Variants in KIF2C observed in about 807,000 individuals in gnomAD.
The protein encoded by KIF2C is kinesin-like protein KIF2C.
Under a neutral mutation model 97.4 loss-of-function variants are expected in KIF2C, and 34 were observed. The observed-to-expected ratio is 0.35, with a 90% CI of 0.27 to 0.46. The LOEUF is 0.46. KIF2C is among the 20% of genes least tolerant of loss of function. The pLI is 1.00. For missense variants in KIF2C, 750 were observed against 907.6 expected (o/e 0.83, Z 2.23); for synonymous variants, 313 against 318.2 (o/e 0.98, Z 0.17).
At chr1:44,762,761 A>T in intron 19 of KIF2C, 103 bp downstream of exon 19, 1 of 736,050 alleles carries the variant, frequency 1.4e-6, no homozygotes, top group Non-Finnish European at 2.4e-6. Flanking sequence ...ACAGGTATTC[A>T]CATAGCAAGA....
At chr1:44,740,804 T>TAGCTAA in intron 1 of KIF2C, 109 bp from the exon 2 acceptor site, 1 of 371,014 alleles carries the variant, frequency 2.7e-6, no homozygotes, top group East Asian at 4.1e-5. Flanking sequence ...TTTTTTAAGG[T>TAGCTAA]AGCTGCCTGT....
intron 17 of KIF2C, 109 bp downstream of exon 17, chr1:44,762,092 T>C: frequency 9.8e-7 from 1 of 1,021,180 alleles, no homozygotes; most frequent in South Asian, 1.3e-5. Context: ...TATACTCCTC[T>C]GTGACTCTGA....
rs1649544941 is a variant in KIF2C, at chr1:44,751,920, C to G, written c.440-1212C>G. 2.9e-5 allele frequency among the ~76,000 whole-genome samples: 4 copies of G among 140,038 alleles called. No individual in the cohort carries two copies. In the South Asian group the frequency reaches 9.2e-4, roughly 32 times the overall value. The allele number at this position is 140,038 out of a possible 152,430, so 91.9% of individuals were successfully genotyped here. On this transcript the variant is annotated intron_variant, in intron 5 of 20. Transcript: ENST00000372224. ...CACTGCAACCTCTGCCTCCCCTGTT[C>G]AAGCCATTCTCTTGGCTCAGCCTCC... is the stretch of plus-strand genomic sequence containing the variant.
At chr1:44,750,611 C>T (rs1446589029) in intron 5 of KIF2C, 47 bp downstream of exon 5, 1 of 1,443,960 alleles carries the variant, frequency 6.9e-7, no homozygotes, top group Non-Finnish European at 9.2e-7. Flanking sequence ...GGCCCTGGAG[C>T]ACATTGCTTG....
intron 6 of KIF2C, 84 bp downstream of exon 6, chr1:44,753,338 C>A: frequency 6.9e-7 from 1 of 1,452,548 alleles, no homozygotes; most frequent in Non-Finnish European, 9.2e-7. Flanking sequence ...CCTACCTTGG[C>A]ACCTGAGTTC....
At position 44,764,550 on chromosome 1, in the gene KIF2C, C is replaced by T. The variant is rs553951270; in HGVS notation, c.1971+1892C>T. On this transcript the variant is annotated intron_variant, in intron 19 of 20. Coordinates refer to ENST00000372224, the MANE Select transcript of KIF2C (RefSeq NM_006845.4). Reference sequence around the variant, plus strand: ...GGGGGATGGAGTTTCGCTTTTGTCCCCCAGGCTGGAGTGCAACGGCACCAT... The same window carrying T: ...GGGGGATGGAGTTTCGCTTTTGTCCTCCAGGCTGGAGTGCAACGGCACCAT... 3.3e-5 allele frequency among the ~76,000 whole-genome samples: 5 copies of T among 151,524 alleles called. No individual in the cohort carries two copies. The East Asian group carries it at 5.9e-4, about 18-fold the overall frequency.
chr1:44,742,853 C>A (rs1649006524), intron 2 of KIF2C, among the ~76,000 whole-genome samples: 1 of 151,828 alleles, frequency 6.6e-6, no homozygotes, highest in African/African-American at 2.4e-5. Flanking sequence ...GTTGAGGAGA[C>A]AAAAAGACGT....
At chr1:44,740,093 ACT>A (rs754014928) in intron 1 of KIF2C, 91 bp downstream of exon 1, 26 of 1,436,130 alleles carry the variant, frequency 1.8e-5, no homozygotes, top group Non-Finnish European at 2.4e-5. Flanking sequence ...ATGGGCTTTC[ACT>A]CTCTTTCTCT....
Position 44,756,255 on chromosome 1 carries a change from A to G in KIF2C, c.977+18A>G. The G allele has an allele frequency of 1.2e-6, 2 of 1,611,148 alleles. No homozygotes were observed. The highest frequency in any genetic ancestry group is 1.7e-6 in the Non-Finnish European group (2 of 1,177,516). Reference sequence around the variant, plus strand: ...GTCTACAGGTTAGTCCCTTGCATCCATTTTTCCCTCCTTGTGCCCTTCCAT... The same window carrying G: ...GTCTACAGGTTAGTCCCTTGCATCCGTTTTTCCCTCCTTGTGCCCTTCCAT... On this transcript the variant is annotated intron_variant, in intron 10 of 20. Coordinates refer to ENST00000372224, the MANE Select transcript of KIF2C (RefSeq NM_006845.4).
chr1:44,760,698 G>C lies in KIF2C; in HGVS notation c.1679G>C (p.Cys560Ser). 1 of 1,612,132 alleles carries C rather than the reference G, an allele frequency of 6.2e-7. No individual in the cohort carries two copies. Among genetic ancestry groups the C allele is most frequent in the South Asian group, 1.1e-5 (1 of 91,028 alleles). ...DSFIGENSRT[C>S]MIATISPGIS... is the part of the protein sequence containing the mutation. ...TTCATTGGGGAGAACTCTAGGACTT[G>C]CATGGTGAGTAGGGTCACTTTGAAG... The change falls in exon 16 of 21, where the codon TGC (cysteine) becomes TCC (serine). Residue 560 changes from cysteine to serine, a missense_variant. Cys to Ser is a moderately radical substitution (Grantham distance 112). Transcript: ENST00000372224. This position sits in a 1 kb window ranked among gnomAD's most constrained non-coding sequence, Gnocchi z 4.2.
At chr1:44,755,041 A>G (rs1184498573) in intron 8 of KIF2C, among the ~76,000 whole-genome samples, 196 bp downstream of exon 8, 2 of 151,856 alleles carry the variant, frequency 1.3e-5, no homozygotes, top group African/African-American at 4.8e-5. Flanking sequence ...TGCAACCTCC[A>G]CTTCCCTGGG....
At chr1:44,766,347 C>T (rs1392292934) in intron 19 of KIF2C, among the ~76,000 whole-genome samples, 1 of 152,118 alleles carries the variant, frequency 6.6e-6, no homozygotes, top group Non-Finnish European at 1.5e-5. Context: ...AGTGGTGGCT[C>T]AAGCCTGTAA....
chr1:44,766,807 G>A lies in KIF2C; in HGVS notation c.1972-19G>A. The A allele has an allele frequency of 6.2e-7, 1 of 1,613,412 alleles. No homozygotes were observed. Among genetic ancestry groups the A allele is most frequent in the Non-Finnish European group, 8.5e-7 (1 of 1,179,482 alleles). On this transcript the variant is annotated intron_variant, in intron 19 of 20. Transcript: ENST00000372224. Reference sequence around the variant, plus strand: ...TGCTAAATGGTTATTGAACTGACAAGGTCCTCCCTGTGTTGTAGCAAGGAC... The same window carrying A: ...TGCTAAATGGTTATTGAACTGACAAAGTCCTCCCTGTGTTGTAGCAAGGAC...
intron 1 of KIF2C, among the ~76,000 whole-genome samples, chr1:44,740,642 ATC>A (rs1405636564): frequency 2.6e-5 from 4 of 152,152 alleles, no homozygotes; most frequent in East Asian, 3.9e-4. Context: ...TGTAGGCTCT[ATC>A]TCTCTTTTTT....
rs767307848 is a variant in KIF2C, at chr1:44,757,584, A to G, written c.1006A>G (p.Ile336Val). 3.8e-5 allele frequency: 61 copies of G among 1,613,520 alleles called. No homozygotes were observed. Among genetic ancestry groups the G allele is most frequent in the Non-Finnish European group, 4.1e-5 (48 of 1,179,548 alleles). Reference protein sequence around the residue: ...RFTARPLVQTIFEGGKATCFA... With the variant: ...RFTARPLVQTVFEGGKATCFA... ...CACAGCAAGGCCACTGGTACAGACA[A>G]TCTTTGAAGGTGGAAAAGCAACTTG... is the stretch of plus-strand genomic sequence containing the variant. Residue 336 changes from isoleucine to valine, a missense_variant, in exon 11 of 21, where the codon ATC (isoleucine) becomes GTC (valine). Transcript: ENST00000372224.
In KIF2C at chr1:44,760,185, C is replaced by T; in HGVS notation, c.1368-95C>T. ...CAGGAAAACAGGACTTTTTCGCCTC[C>T]TAACCTGTGTCCCTCCCTTCCTAGA... On this transcript the variant is annotated intron_variant, in intron 14 of 20. Coordinates refer to ENST00000372224, the MANE Select transcript of KIF2C (RefSeq NM_006845.4). This position sits in a 1 kb window ranked among gnomAD's most constrained non-coding sequence, Gnocchi z 4.2. The T allele has an allele frequency of 1.7e-6, 2 of 1,179,706 alleles. No homozygotes were observed. Among genetic ancestry groups the T allele is most frequent in the South Asian group, 2.7e-5 (2 of 73,086 alleles). 73.1% of individuals were successfully genotyped at this position (1,179,706 alleles called of 1,614,324 possible).
intron 5 of KIF2C, among the ~76,000 whole-genome samples, chr1:44,752,292 G>C (rs1283147241): frequency 6.6e-6 from 1 of 151,312 alleles, no homozygotes; most frequent in Non-Finnish European, 1.5e-5. Context: ...CTGCCACCGC[G>C]CCCGGCTAAT....
At chr1:44,746,378 T>G in intron 2 of KIF2C, 1 of 1,068,324 alleles carries the variant, frequency 9.4e-7, no homozygotes, top group South Asian at 4.2e-5. Context: ...ATTGCAGGCA[T>G]CAACAGGAAA....
At position 44,739,978 on chromosome 1, in the gene KIF2C, G is replaced by T; in HGVS notation, c.46G>T (p.Ala16Ser). The change falls in exon 1 of 21, where the codon GCT becomes TCT. Residue 16 changes from alanine to serine, a missense_variant. By Grantham distance (99) the Ala-to-Ser change is moderately conservative. Coordinates refer to ENST00000372224, the MANE Select transcript of KIF2C (RefSeq NM_006845.4). ...TCAGGCCCGCCTGTTTCCCGGTCTC[G>T]CTATCAAGATCCAACGCAGTAATGG... is the stretch of plus-strand genomic sequence containing the variant. ...SLQARLFPGL[A>S]IKIQRSNGLI... The T allele has an allele frequency of 6.2e-7, 1 of 1,614,192 alleles. No homozygotes were observed. Among genetic ancestry groups the T allele is most frequent in the African/African-American group, 1.3e-5 (1 of 75,044 alleles).
Sources: allele counts gnomAD v4.1 joint callset (sites outside exome capture counted in the v4.1 genomes callset), GRCh38; gene constraint gnomAD v4.1.1; non-coding constraint Gnocchi (gnomAD v3.1); transcripts MANE v1.5; gene names NCBI Gene and HGNC (gene_info 2026-07-23, HGNC 2026-07-21).